Variants in AIMP2 observed in about 807,000 individuals in gnomAD.
AIMP2 encodes the protein aminoacyl tRNA synthetase complex interacting multifunctional protein 2.
A neutral mutation model predicts 23.4 loss-of-function variants in AIMP2; 20 were observed. The ratio of observed to expected loss-of-function variants is 0.85; its 90% CI spans 0.60 to 1.24. The LOEUF is 1.24. Ranked by LOEUF, AIMP2 falls within the 50% of genes most tolerant of loss-of-function variation. The pLI is 0.00. For missense variants in AIMP2, 515 were observed against 414.5 expected (o/e 1.24, Z -2.10); for synonymous variants, 210 against 170.4 (o/e 1.23, Z -1.81).
chr7:6,011,156 T>G (rs1159809614), intron 1 of AIMP2, among the ~76,000 whole-genome samples: 1 of 152,162 alleles, frequency 6.6e-6, no homozygotes, highest in African/African-American at 2.4e-5. Flanking sequence ...TGAATACTCT[T>G]ATACAGAGGA....
intron 1 of AIMP2, among the ~76,000 whole-genome samples, chr7:6,011,416 C>A (rs564017362): frequency 1.3e-5 from 2 of 152,268 alleles, no homozygotes; most frequent in Admixed American, 6.5e-5. Flanking sequence ...TATTCACTGG[C>A]CGCTGTGATT....
chr7:6,012,610 T>C, intron 1 of AIMP2: 1 of 257,140 alleles, frequency 3.9e-6, no homozygotes. Flanking sequence ...CAGTCTGGAG[T>C]GCAATGTCGC....
intron 2 of AIMP2, chr7:6,017,153 T>G (rs1787075237): frequency 6.6e-6 from 1 of 152,172 alleles, no homozygotes; most frequent in Admixed American, 6.6e-5. Flanking sequence ...TGAACACAAA[T>G]TGGCCGTGGT....
At position 6,009,603 on chromosome 7, in the gene AIMP2, A is replaced by C. The variant is rs1786398860; in HGVS notation, c.135+105A>C. On this transcript the variant is annotated intron_variant, in intron 1 of 3. Coordinates refer to ENST00000223029, the MANE Select transcript of AIMP2 (RefSeq NM_006303.4). ...CGCGTCCCAACCGGTTCACGGCCCC[A>C]CCCCGGCATCTGTGCCGGCCGGCCA... The C allele has an allele frequency of 6.8e-6, 7 of 1,027,720 alleles. No individual in the cohort carries two copies. The East Asian group carries it at 1.4e-4, about 20-fold the overall frequency. 63.7% of individuals were successfully genotyped at this position (1,027,720 alleles called of 1,614,324 possible).
chr7:6,013,095 T>A, intron 1 of AIMP2: 1 of 544,498 alleles, frequency 1.8e-6, no homozygotes, highest in Non-Finnish European at 2.3e-6. Flanking sequence ...TAGGAACTCC[T>A]CGGACAGTGT....
At position 6,009,619 on chromosome 7, in the gene AIMP2, C is replaced by T. The variant is rs1397544312; in HGVS notation, c.135+121C>T. ...CACGGCCCCACCCCGGCATCTGTGC[C>T]GGCCGGCCAGGGACTCACTCAGACT... On this transcript the variant is annotated intron_variant, in intron 1 of 3. Coordinates refer to ENST00000223029, the MANE Select transcript of AIMP2 (RefSeq NM_006303.4). The T allele has an allele frequency of 4.4e-6, 4 of 906,062 alleles. No individual in the cohort carries two copies. In the East Asian group the frequency reaches 1.0e-4, roughly 24 times the overall value. 56.1% of individuals were successfully genotyped at this position (906,062 alleles called of 1,614,324 possible).
chr7:6,013,176 T>G (rs879222227), intron 1 of AIMP2: 1 of 156,208 alleles, frequency 6.4e-6, no homozygotes, highest in Admixed American at 6.6e-5. Flanking sequence ...ACAAAATGTC[T>G]GTGAAGCCAT....
intron 1 of AIMP2, among the ~76,000 whole-genome samples, chr7:6,012,350 A>G (rs567126270): frequency 1.3e-5 from 2 of 152,304 alleles, no homozygotes; most frequent in East Asian, 1.9e-4. Context: ...AATTAAAACT[A>G]ATGGAGAAAA....
In AIMP2 at chr7:6,017,876, G is replaced by C. The variant is rs1175499574; in HGVS notation, c.405G>C (p.Leu135=). 6.2e-7 allele frequency: 1 copy of C among 1,613,958 alleles called. No homozygotes were observed. Among genetic ancestry groups the C allele is most frequent in the Non-Finnish European group, 8.5e-7 (1 of 1,180,040 alleles). The part of the protein sequence containing the change: ...NANPASPPLS[L]LVLHRLLCEH... ...ACCCGGCCTCCCCTCCCCTCTCCCT[G>C]CTTGTGCTGCACAGGCTGCTCTGTG... The change falls in exon 3 of 4, where the codon CTG becomes CTC. Residue 135 remains leucine, a synonymous_variant. Coordinates refer to ENST00000223029, the MANE Select transcript of AIMP2 (RefSeq NM_006303.4).
At chr7:6,019,182 G>A (rs1359463511) in intron 3 of AIMP2, among the ~76,000 whole-genome samples, 2 of 150,876 alleles carry the variant, frequency 1.3e-5, no homozygotes, top group African/African-American at 2.4e-5. Context: ...ATCTCGGTGT[G>A]AGCAGCTAAT....
intron 3 of AIMP2, 98 bp from the exon 4 acceptor site, chr7:6,023,205 C>T (rs1336021321): frequency 5.9e-6 from 8 of 1,349,232 alleles, no homozygotes; most frequent in Non-Finnish European, 1.0e-6. Flanking sequence ...CCCATGTCAT[C>T]AGTCTGTGGT....
intron 3 of AIMP2, among the ~76,000 whole-genome samples, chr7:6,020,289 C>T (rs143649286): frequency 6.6e-6 from 1 of 151,932 alleles, no homozygotes; most frequent in Admixed American, 6.6e-5. Flanking sequence ...AGCATGGTGA[C>T]CTTCACCTGT....
intron 3 of AIMP2, among the ~76,000 whole-genome samples, chr7:6,021,338 CAAA>C (rs563523048): frequency 4.5e-5 from 3 of 65,952 alleles, no homozygotes; most frequent in Admixed American, 2.0e-4. Context: ...GACTCCATCT[CAAA>C]AAAAAAAAAA....
intron 1 of AIMP2, among the ~76,000 whole-genome samples, chr7:6,011,740 A>G (rs1455815598): frequency 6.6e-6 from 1 of 152,212 alleles, no homozygotes; most frequent in East Asian, 1.9e-4. Flanking sequence ...AACAGGGCCC[A>G]GTCACCCTCC....
In AIMP2 at chr7:6,013,551, G is replaced by A. The variant is rs981519906; in HGVS notation, c.136-1595G>A. 5.9e-5 allele frequency among the ~76,000 whole-genome samples: 9 copies of A among 152,130 alleles called. No individual in the cohort carries two copies. In the South Asian group the frequency reaches 8.3e-4, roughly 14 times the overall value. On this transcript the variant is annotated intron_variant, in intron 1 of 3. Transcript: ENST00000223029. ...GCTAGGATTATAGGCATCAGTCAGCGCGCCCAGCCTTGAGTTTCTTTTTAA... is the reference window on the plus strand; with the variant it reads ...GCTAGGATTATAGGCATCAGTCAGCACGCCCAGCCTTGAGTTTCTTTTTAA...
chr7:6,015,009 C>T, intron 1 of AIMP2, 137 bp from the exon 2 acceptor site: 1 of 1,517,648 alleles, frequency 6.6e-7, no homozygotes, highest in Non-Finnish European at 8.8e-7. Flanking sequence ...CGTGAGCCAC[C>T]ACACCCAGCC....
intron 2 of AIMP2, 90 bp from the exon 3 acceptor site, chr7:6,017,724 G>A (rs1787108078): frequency 1.7e-6 from 2 of 1,187,118 alleles, no homozygotes; most frequent in African/African-American, 1.5e-5. Context: ...GAGTCGGTTA[G>A]ATAACCCTGG....
chr7:6,015,053 G>A (rs1786934530), intron 1 of AIMP2, 93 bp from the exon 2 acceptor site: 1 of 1,590,640 alleles, frequency 6.3e-7, no homozygotes, highest in African/African-American at 1.3e-5. Flanking sequence ...GGGAGGTTTG[G>A]TGAGTGCATG....
chr7:6,015,543 T>C (rs1786975194), intron 2 of AIMP2, among the ~76,000 whole-genome samples, 191 bp downstream of exon 2: 1 of 151,944 alleles, frequency 6.6e-6, no homozygotes, highest in African/African-American at 2.4e-5. Context: ...GCCAACGTGG[T>C]GAAACCCCAT....
Sources: allele counts gnomAD v4.1 joint callset (sites outside exome capture counted in the v4.1 genomes callset), GRCh38; gene constraint gnomAD v4.1.1; transcripts MANE v1.5; gene names NCBI Gene and HGNC (gene_info 2026-07-23, HGNC 2026-07-21).